Variants in PDE1C observed in about 807,000 individuals in gnomAD.
PDE1C encodes the protein phosphodiesterase 1C, also known as dual specificity calcium/calmodulin-dependent 3',5'-cyclic nucleotide phosphodiesterase 1C.
Under a neutral mutation model 93.1 loss-of-function variants are expected in PDE1C, and 62 were observed. The ratio of observed to expected loss-of-function variants is 0.67; its 90% CI spans 0.54 to 0.82. The LOEUF (loss-of-function observed/expected upper bound fraction) is 0.82, where lower values mean the gene tolerates loss of function less well. Ranked by LOEUF, PDE1C falls within the 40% of genes least tolerant of loss-of-function variation. The pLI is 0.00. For missense variants in PDE1C, 742 were observed against 884.6 expected (o/e 0.84, Z 2.04); for synonymous variants, 325 against 310.1 (o/e 1.05, Z -0.50).
At chr7:31,873,094 C>T (rs2128863942) in intron 6 of PDE1C, among the ~76,000 whole-genome samples, 198 bp downstream of exon 6, 1 of 152,244 alleles carries the variant, frequency 6.6e-6, no homozygotes, top group Middle Eastern at 3.4e-3. Flanking sequence ...TCCCATGCCG[C>T]TGAGACCCAC....
the PDE1C span, among the ~76,000 whole-genome samples, chr7:31,738,231 C>G: frequency 6.6e-6 from 1 of 152,168 alleles, no homozygotes; most frequent in African/African-American, 2.4e-5. Context: ...GTGTATCAGT[C>G]TGTTCTCACG....
At chr7:31,848,145 A>G in intron 8 of PDE1C, 49 bp from the exon 9 acceptor site, 1 of 1,596,776 alleles carries the variant, frequency 6.3e-7, no homozygotes, top group South Asian at 1.1e-5. Flanking sequence ...GTTGTGATTT[A>G]CTTGGGTAAT....
chr7:32,327,154 G>T (rs1202523557), intron 1 of PDE1C, among the ~76,000 whole-genome samples: 1 of 152,128 alleles, frequency 6.6e-6, no homozygotes, highest in Non-Finnish European at 1.5e-5. Context: ...GACAATTTCT[G>T]ACTGCCTCGA....
At chr7:31,936,890 T>C (rs534084297) in intron 2 of PDE1C, among the ~76,000 whole-genome samples, 2 of 152,142 alleles carry the variant, frequency 1.3e-5, no homozygotes, top group South Asian at 2.1e-4. Context: ...CAAGGTGTGG[T>C]TGAGTTACAG....
chr7:32,309,991 G>T (rs1363616690), intron 1 of PDE1C, among the ~76,000 whole-genome samples: 1 of 152,136 alleles, frequency 6.6e-6, no homozygotes, highest in Non-Finnish European at 1.5e-5. Context: ...TCAGTGTGCT[G>T]TATTCAGGAA....
chr7:32,045,148 G>C (rs1792373831), intron 2 of PDE1C, among the ~76,000 whole-genome samples: 1 of 149,768 alleles, frequency 6.7e-6, no homozygotes, highest in African/African-American at 2.5e-5. Context: ...AGTGATGGCT[G>C]CCTGTACTCT....
chr7:31,972,703 C>A (rs887930206), intron 2 of PDE1C, among the ~76,000 whole-genome samples: 1 of 152,066 alleles, frequency 6.6e-6, no homozygotes, highest in Admixed American at 6.6e-5. Flanking sequence ...TGGCTGGGGA[C>A]CTCAAAAGTC....
chr7:31,759,287 T>C (rs1039894343), intron 17 of PDE1C, among the ~76,000 whole-genome samples: 2 of 152,286 alleles, frequency 1.3e-5, no homozygotes, highest in African/African-American at 2.4e-5. Flanking sequence ...GGTCCTGGTA[T>C]GGCCTTCTGA....
At position 31,906,618 on chromosome 7, in the gene PDE1C, T is replaced by G. The variant is rs539288944; in HGVS notation, c.129-25758A>C. ...TATATAGGCTACAAAGAGAAGGGAT[T>G]CAGGAACCTTCAAGTTGGGTGAGAG... On this transcript the variant is annotated intron_variant, in intron 2 of 17. Transcript: ENST00000396191. 1.2e-3 allele frequency among the ~76,000 whole-genome samples: 184 copies of G among 152,192 alleles called. 1 individual carries two copies. Among genetic ancestry groups the G allele is most frequent in the African/African-American group, 4.3e-3 (180 of 41,524 alleles).
At chr7:31,873,213 T>C (rs183152156) in intron 6 of PDE1C, 79 bp downstream of exon 6, 1 of 845,592 alleles carries the variant, frequency 1.2e-6, no homozygotes, top group Admixed American at 2.3e-5. Context: ...CATATTAAAA[T>C]AGTCTGAACC....
chr7:31,936,955 C>T (rs892237148), intron 2 of PDE1C, among the ~76,000 whole-genome samples: 5 of 152,178 alleles, frequency 3.3e-5, no homozygotes, highest in Non-Finnish European at 7.3e-5. Context: ...CATACGTCAA[C>T]ACACGTAAGC....
intron 2 of PDE1C, among the ~76,000 whole-genome samples, chr7:31,925,667 C>G (rs1026691947): frequency 6.6e-6 from 1 of 151,948 alleles, no homozygotes. Context: ...ATAATGTTTG[C>G]CATTTTTTAC....
At chr7:31,654,736 G>T in the PDE1C span, among the ~76,000 whole-genome samples, 1 of 152,158 alleles carries the variant, frequency 6.6e-6, no homozygotes, top group African/African-American at 2.4e-5. Context: ...AGGAAAAACT[G>T]CTTGGAAAAG....
At chr7:32,361,520 G>A (rs543852612) in intron 1 of PDE1C, among the ~76,000 whole-genome samples, 3 of 152,278 alleles carry the variant, frequency 2.0e-5, no homozygotes, top group South Asian at 4.1e-4. Context: ...ACCTTCCCAC[G>A]CCCTGCGCAC....
chr7:31,825,103 C>A, intron 12 of PDE1C, 116 bp from the exon 13 acceptor site: 1 of 1,311,132 alleles, frequency 7.6e-7, no homozygotes, highest in Admixed American at 1.9e-5. Flanking sequence ...ATGGCTTGAT[C>A]TTATGTACTG....
intron 7 of PDE1C, among the ~76,000 whole-genome samples, chr7:31,862,831 A>G (rs1436480521): frequency 6.6e-6 from 1 of 152,170 alleles, no homozygotes; most frequent in African/African-American, 2.4e-5. Flanking sequence ...ACTCTAATCA[A>G]TTCTATTGAT....
At chr7:31,691,818 A>C in the PDE1C span, among the ~76,000 whole-genome samples, 9 of 151,468 alleles carry the variant, frequency 5.9e-5, no homozygotes, top group African/African-American at 1.7e-4. Flanking sequence ...AAAAAAAAAA[A>C]AAAACCAAGC....
chr7:32,013,445 G>A (rs2128592724), intron 2 of PDE1C, among the ~76,000 whole-genome samples: 1 of 152,330 alleles, frequency 6.6e-6, no homozygotes, highest in Middle Eastern at 3.4e-3. Context: ...AAAGGAGACA[G>A]GGTTATTTAT....
chr7:32,065,059 G>GTA (rs1795232578), intron 1 of PDE1C, among the ~76,000 whole-genome samples: 1 of 148,624 alleles, frequency 6.7e-6, no homozygotes, highest in Non-Finnish European at 1.5e-5. Flanking sequence ...GGTGGGGGGG[G>GTA]GGGGGAGGAG....
Sources: allele counts gnomAD v4.1 joint callset (sites outside exome capture counted in the v4.1 genomes callset), GRCh38; gene constraint gnomAD v4.1.1; transcripts MANE v1.5; gene names NCBI Gene and HGNC (gene_info 2026-07-23, HGNC 2026-07-21).